GLRA2: variants seen among roughly 807,000 people sequenced by gnomAD.
The protein encoded by GLRA2 is glycine receptor alpha 2.
GLRA2 carries 11 observed loss-of-function variants against 31.6 expected under a neutral mutation model. That is an observed-to-expected ratio of 0.35 (90% confidence interval 0.22 to 0.58). GLRA2 has a LOEUF of 0.58. Among genes scored for constraint, GLRA2 ranks in the 20% least tolerant of loss-of-function variants. The probability of loss-of-function intolerance (pLI) is 0.84; values close to 1 mark genes in which losing one functional copy is unlikely to be tolerated. For missense variants in GLRA2, 212 were observed against 351.8 expected, an observed-to-expected ratio of 0.60 and a Z score of 3.18; for synonymous variants, 132 against 134.0, an observed-to-expected ratio of 0.99 and a Z score of 0.10.
the GLRA2 span, among the ~76,000 whole-genome samples, chrX:14,521,254 A>G: frequency 8.9e-6 from 1 of 112,427 alleles, no homozygotes; most frequent in Non-Finnish European, 1.9e-5. Context: ...AGATTGGCAT[A>G]TGAGTCAGTG....
At chrX:14,650,031 A>G (rs1005271389) in intron 7 of GLRA2, among the ~76,000 whole-genome samples, 4 of 112,026 alleles carry the variant, frequency 3.6e-5, no homozygotes, top group South Asian at 3.7e-4. Context: ...GCTTAATAGG[A>G]ATATTTTAGT....
At chrX:14,517,754 C>G in the GLRA2 span, among the ~76,000 whole-genome samples, 3 of 110,621 alleles carry the variant, frequency 2.7e-5, no homozygotes, top group South Asian at 1.2e-3. Flanking sequence ...TATTTCTATT[C>G]TAAGATAAAA....
At position 14,529,541 on chromosome X, in the gene GLRA2, A is replaced by G. The variant is rs983165914; in HGVS notation, c.-517A>G. ...CTGGGTAAGATCACGTCTCCGTCTC[A>G]TTCTATAGCCCTCATTCCAGCACAG... is the stretch of plus-strand genomic sequence containing the variant. On this transcript the variant is annotated 5_prime_UTR_variant, in exon 1 of 9. Transcript: ENST00000218075. 3 of 115,623 alleles carry G rather than the reference A, an allele frequency of 2.6e-5. No homozygotes were observed. Among genetic ancestry groups the G allele is most frequent in the Admixed American group, 1.8e-4 (2 of 11,088 alleles). The allele number at this position is 115,623 out of a possible 1,213,427, so 9.5% of individuals were successfully genotyped here. A position where few individuals can be genotyped will look rare whatever the true frequency, so the allele number is the denominator to read the frequency against.
intron 7 of GLRA2, among the ~76,000 whole-genome samples, chrX:14,687,635 G>A (rs1477788994): frequency 3.6e-5 from 4 of 112,025 alleles, no homozygotes; most frequent in African/African-American, 9.7e-5. Context: ...TAGTTCTTGC[G>A]CCATGGTTTT....
chrX:14,638,467 G>T (rs1464852410), intron 7 of GLRA2, among the ~76,000 whole-genome samples: 1 of 110,890 alleles, frequency 9.0e-6, no homozygotes, highest in East Asian at 2.8e-4. Context: ...ATTTTATTTT[G>T]TTATTTTTAC....
At chrX:14,461,242 A>G in the GLRA2 span, among the ~76,000 whole-genome samples, 1 of 111,698 alleles carries the variant, frequency 9.0e-6, no homozygotes, top group Non-Finnish European at 1.9e-5. Flanking sequence ...GTTCTTTTAC[A>G]TTTGCTGAGG....
chrX:14,616,338 AGAC>A (rs2090453868), intron 7 of GLRA2, among the ~76,000 whole-genome samples: 1 of 111,748 alleles, frequency 8.9e-6, no homozygotes, highest in Non-Finnish European at 1.9e-5. Context: ...CTAGGTGTGC[AGAC>A]GACTCTGACA....
rs745916003 is a variant in GLRA2 at position 14,646,104 on chromosome X, C to T, written c.930+36899C>T. ...TATGTACCAAGCCCTCTTCTAAAAA[C>T]GATTTCTACATATTATGTTATTTAA... On this transcript the variant is annotated intron_variant, in intron 7 of 8. Transcript: ENST00000218075. Among the ~76,000 whole-genome samples the T allele has an allele frequency of 2.7e-5, 3 of 112,097 alleles. No homozygotes were observed. The East Asian group carries it at 8.4e-4, about 31-fold the overall frequency.
chrX:14,665,186 G>A (rs1200619669), intron 7 of GLRA2, among the ~76,000 whole-genome samples: 1 of 111,868 alleles, frequency 8.9e-6, no homozygotes, highest in Non-Finnish European at 1.9e-5. Context: ...TTTTATTAAA[G>A]TAACTTGCAA....
At chrX:14,561,416 C>T in intron 2 of GLRA2, among the ~76,000 whole-genome samples, 1 of 112,520 alleles carries the variant, frequency 8.9e-6, no homozygotes, top group Non-Finnish European at 1.9e-5. Context: ...CGAATCTGGC[C>T]TACCACCTGT....
the GLRA2 span, among the ~76,000 whole-genome samples, chrX:14,522,248 T>C: frequency 8.0e-5 from 9 of 112,588 alleles, no homozygotes; most frequent in East Asian, 5.6e-4. Context: ...AGAAACCACT[T>C]GCTTTGCTTA....
At chrX:14,662,484 T>C (rs1204634317) in intron 7 of GLRA2, among the ~76,000 whole-genome samples, 1 of 112,059 alleles carries the variant, frequency 8.9e-6, no homozygotes, top group Non-Finnish European at 1.9e-5. Flanking sequence ...TGAATGATGA[T>C]AGAAAGCAGA....
chrX:14,527,335 G>A (rs755883655), upstream of GLRA2, among the ~76,000 whole-genome samples: 6 of 111,866 alleles, frequency 5.4e-5, no homozygotes, highest in East Asian at 8.4e-4. Flanking sequence ...GAAATGATTC[G>A]GCTGGGCGCG....
chrX:14,698,407 G>A (rs769358355), intron 8 of GLRA2, among the ~76,000 whole-genome samples: 18 of 109,270 alleles, frequency 1.6e-4, no homozygotes, highest in Admixed American at 1.5e-3. Flanking sequence ...GGCCGGGAGC[G>A]GTGGCTCACA....
At chrX:14,571,491 T>C (rs1244981549) in intron 2 of GLRA2, among the ~76,000 whole-genome samples, 1 of 112,048 alleles carries the variant, frequency 8.9e-6, no homozygotes. Flanking sequence ...GCCTCAGGCA[T>C]TTTACCCCTG....
At chrX:14,517,991 A>G in the GLRA2 span, among the ~76,000 whole-genome samples, 1 of 111,743 alleles carries the variant, frequency 8.9e-6, no homozygotes, top group Non-Finnish European at 1.9e-5. Flanking sequence ...GCATTGTTAT[A>G]AAATAGTCTT....
chrX:14,601,843 G>A (rs1282402639), intron 4 of GLRA2, among the ~76,000 whole-genome samples: 2 of 111,539 alleles, frequency 1.8e-5, no homozygotes, highest in Non-Finnish European at 3.8e-5. Flanking sequence ...GCAAGAATGA[G>A]CATGACAGCA....
At chrX:14,588,208 C>T (rs1205504516) in intron 4 of GLRA2, among the ~76,000 whole-genome samples, 1 of 111,844 alleles carries the variant, frequency 8.9e-6, no homozygotes, top group Non-Finnish European at 1.9e-5. Context: ...TCAGCCCTGT[C>T]TAGGATTTTT....
chrX:14,578,002 A>C (rs962699044), intron 3 of GLRA2, among the ~76,000 whole-genome samples: 1 of 111,693 alleles, frequency 9.0e-6, no homozygotes, highest in African/African-American at 3.3e-5. Context: ...GTCATTGAGG[A>C]CATTGATTGG....
Sources: allele counts gnomAD v4.1 joint callset (sites outside exome capture counted in the v4.1 genomes callset), GRCh38; gene constraint gnomAD v4.1.1; transcripts MANE v1.5; gene names NCBI Gene and HGNC (gene_info 2026-07-23, HGNC 2026-07-21).